The following SLC35E2B variants were observed in gnomAD, a reference collection of about 807,000 sequenced individuals.
The protein encoded by SLC35E2B is solute carrier family 35, member E2B.
In SLC35E2B, 18 loss-of-function variants were observed where a neutral mutation model predicts 32.4. The observed-to-expected ratio is 0.56, with a 90% CI of 0.38 to 0.82. The LOEUF is 0.82. SLC35E2B is among the 40% of genes least tolerant of loss of function. SLC35E2B has a pLI of 0.00. For missense variants in SLC35E2B, 263 were observed against 469.5 expected, an observed-to-expected ratio of 0.56 and a Z score of 4.06; for synonymous variants, 132 against 209.1, an observed-to-expected ratio of 0.63 and a Z score of 3.18.
At chr1:1,688,791 C>T (rs577741975) in intron 2 of SLC35E2B, among the ~76,000 whole-genome samples, 389 of 151,958 alleles carry the variant, frequency 2.6e-3, no homozygotes, top group Admixed American at 7.6e-3. Flanking sequence ...AGGGAGGGGG[C>T]GGCAGCCGTC....
intron 2 of SLC35E2B, among the ~76,000 whole-genome samples, chr1:1,682,102 C>A (rs1643905045): frequency 6.7e-6 from 1 of 148,614 alleles, no homozygotes; most frequent in African/African-American, 2.5e-5. Context: ...TCATGTGATT[C>A]GCCCGCCTTG....
chr1:1,688,843 G>A (rs998537441), intron 2 of SLC35E2B, among the ~76,000 whole-genome samples: 12 of 151,930 alleles, frequency 7.9e-5, no homozygotes, highest in African/African-American at 2.9e-4. Flanking sequence ...TGAGACCTTG[G>A]TGCAGGGCTG....
intron 2 of SLC35E2B, among the ~76,000 whole-genome samples, chr1:1,685,186 C>T (rs1174842854): frequency 1.3e-5 from 2 of 151,510 alleles, no homozygotes; most frequent in African/African-American, 2.4e-5. Context: ...CTTTGGGAGA[C>T]CGAGGCAGGA....
At chr1:1,681,924 G>A (rs1446832237) in intron 2 of SLC35E2B, among the ~76,000 whole-genome samples, 2 of 144,670 alleles carry the variant, frequency 1.4e-5, no homozygotes, top group African/African-American at 5.1e-5. Flanking sequence ...GGTGGAGCTT[G>A]CAGCGAGCCG....
At chr1:1,680,110 A>G (rs1247266593) in intron 2 of SLC35E2B, among the ~76,000 whole-genome samples, 2 of 151,170 alleles carry the variant, frequency 1.3e-5, no homozygotes, top group East Asian at 1.9e-4. Context: ...CTGGGCAACA[A>G]GAGTGAAACT....
rs1643513886 is a variant in SLC35E2B at position 1,665,354 on chromosome 1, G to A, written c.*428C>T. The A allele has an allele frequency of 9.8e-6, 4 of 406,598 alleles. No homozygotes were observed. Among genetic ancestry groups the A allele is most frequent in the East Asian group, 7.3e-5 (2 of 27,302 alleles). The allele number at this position is 406,598 out of a possible 1,614,324, so 25.2% of individuals were successfully genotyped here. On this transcript the variant is annotated 3_prime_UTR_variant, in exon 10 of 10. Coordinates refer to ENST00000617444, the MANE Select transcript of SLC35E2B (RefSeq NM_001290264.2). ...GCCTCATGCCCAGGGCCAGTCTGCC[G>A]CCGGTCCAGGGCCTCAGGGCCTTCG...
intron 2 of SLC35E2B, among the ~76,000 whole-genome samples, chr1:1,680,101 T>C (rs1414807505): frequency 6.6e-6 from 1 of 151,800 alleles, no homozygotes; most frequent in Non-Finnish European, 1.5e-5. Context: ...TACTCCAGCC[T>C]GGGCAACAAG....
intron 2 of SLC35E2B, among the ~76,000 whole-genome samples, chr1:1,681,274 T>G (rs1643897554): frequency 6.6e-6 from 1 of 151,822 alleles, no homozygotes; most frequent in Non-Finnish European, 1.5e-5. Flanking sequence ...CTTGGCTCAC[T>G]GCAAGCTCTG....
chr1:1,684,286 G>A (rs1317911662), intron 2 of SLC35E2B, among the ~76,000 whole-genome samples: 1 of 152,186 alleles, frequency 6.6e-6, no homozygotes, highest in Admixed American at 6.5e-5. Flanking sequence ...CTATAAGCGC[G>A]CTGAGCCGCT....
intron 2 of SLC35E2B, among the ~76,000 whole-genome samples, chr1:1,687,436 C>T (rs1026895267): frequency 6.6e-5 from 10 of 151,574 alleles, no homozygotes; most frequent in African/African-American, 2.4e-4. Context: ...AAATTAGTCT[C>T]TACTAAAAAA....
chr1:1,674,638 A>C (rs200814371), intron 5 of SLC35E2B, among the ~76,000 whole-genome samples: 5,276 of 150,386 alleles, frequency 0.035, 266 homozygotes, highest in African/African-American at 0.11. Context: ...AAAAACAAAA[A>C]AAAAAAAACA....
chr1:1,685,042 G>A (rs1445191784), intron 2 of SLC35E2B, among the ~76,000 whole-genome samples: 3 of 151,468 alleles, frequency 2.0e-5, no homozygotes, highest in African/African-American at 7.3e-5. Flanking sequence ...GGGAGGTGGA[G>A]GTTGCAGTGA....
intron 2 of SLC35E2B, among the ~76,000 whole-genome samples, chr1:1,688,974 A>C (rs1643987791): frequency 6.6e-6 from 1 of 151,894 alleles, no homozygotes; most frequent in African/African-American, 2.4e-5. Flanking sequence ...GATTGAGACC[A>C]TCCTGGCTAA....
rs977599695 is a variant in SLC35E2B at position 1,678,549 on chromosome 1, A to G, written c.-147-1703T>C. ...CCACCCAGACGCTCCCAGGCCACCC[A>G]TGTGTGCCCTGACCCCTCGGTGCAC... On this transcript the variant is annotated intron_variant, in intron 2 of 9. Transcript: ENST00000617444. Among the ~76,000 whole-genome samples the G allele has an allele frequency of 8.6e-5, 13 of 151,858 alleles. 1 individual carries two copies. Among genetic ancestry groups the G allele is most frequent in the Admixed American group, 2.0e-4 (3 of 15,266 alleles).
intron 2 of SLC35E2B, among the ~76,000 whole-genome samples, chr1:1,680,320 A>C (rs747654633): frequency 6.6e-6 from 1 of 151,878 alleles, no homozygotes; most frequent in East Asian, 1.9e-4. Context: ...AAAAAAAGTT[A>C]AAAAAAATTA....
chr1:1,666,760 G>A (rs574050380), intron 9 of SLC35E2B, among the ~76,000 whole-genome samples: 1 of 149,982 alleles, frequency 6.7e-6, no homozygotes, highest in Non-Finnish European at 1.5e-5. Flanking sequence ...GGGCTCATGT[G>A]TATAACCCCA....
chr1:1,690,006 C>T (rs988975403), intron 2 of SLC35E2B, among the ~76,000 whole-genome samples: 23 of 144,432 alleles, frequency 1.6e-4, no homozygotes, highest in African/African-American at 5.6e-4. Flanking sequence ...AAAAAAAGGC[C>T]AGACTTGGCT....
intron 2 of SLC35E2B, among the ~76,000 whole-genome samples, chr1:1,684,877 G>A (rs531096107): frequency 5.3e-5 from 8 of 150,878 alleles, no homozygotes; most frequent in South Asian, 2.1e-4. Flanking sequence ...AGCCCAAGGC[G>A]GGCAGATCAC....
intron 9 of SLC35E2B, among the ~76,000 whole-genome samples, chr1:1,666,281 C>T (rs1024060405): frequency 6.6e-6 from 1 of 152,182 alleles, no homozygotes; most frequent in African/African-American, 2.4e-5. Context: ...CCTGCTCCCT[C>T]GTCCCTTCTT....
Sources: allele counts gnomAD v4.1 joint callset (sites outside exome capture counted in the v4.1 genomes callset), GRCh38; gene constraint gnomAD v4.1.1; transcripts MANE v1.5; gene names NCBI Gene and HGNC (gene_info 2026-07-23, HGNC 2026-07-21).